The following DDAH1 variants were observed in gnomAD, a reference collection of about 807,000 sequenced individuals.
DDAH1 encodes N(G),N(G)-dimethylarginine dimethylaminohydrolase 1.
Under a neutral mutation model 28.8 loss-of-function variants are expected in DDAH1, and 19 were observed. The observed-to-expected ratio is 0.66, with a 90% CI of 0.46 to 0.97. DDAH1 has a LOEUF of 0.97. DDAH1 is among the 50% of genes least tolerant of loss of function. DDAH1 has a pLI of 0.00. For missense variants in DDAH1, 326 were observed against 375.9 expected, an observed-to-expected ratio of 0.87 and a Z score of 1.10; for synonymous variants, 153 against 154.4, an observed-to-expected ratio of 0.99 and a Z score of 0.07.
intron 1 of DDAH1, among the ~76,000 whole-genome samples, chr1:85,367,592 T>C (rs1570440825): frequency 6.6e-6 from 1 of 152,228 alleles, no homozygotes; most frequent in South Asian, 2.1e-4. Flanking sequence ...ATTATCACCA[T>C]ATTCCTTAAG....
At chr1:85,514,907 G>A (rs1657414139) in intron 1 of DDAH1, among the ~76,000 whole-genome samples, 2 of 151,748 alleles carry the variant, frequency 1.3e-5, no homozygotes, top group African/African-American at 4.8e-5. Context: ...ATTGTTTACT[G>A]TGTTTCAATA....
chr1:85,523,223 G>A (rs1657752119), intron 1 of DDAH1, among the ~76,000 whole-genome samples: 1 of 152,270 alleles, frequency 6.6e-6, no homozygotes, highest in Admixed American at 6.5e-5. Flanking sequence ...GTATGAAACG[G>A]AAAGTGGAAG....
intron 1 of DDAH1, among the ~76,000 whole-genome samples, chr1:85,566,350 G>C (rs1659299811): frequency 6.6e-6 from 1 of 151,594 alleles, no homozygotes; most frequent in African/African-American, 2.4e-5. Flanking sequence ...AAATTATCTG[G>C]GTGTGGTGGT....
At chr1:85,523,924 T>A (rs1290456215) in intron 1 of DDAH1, among the ~76,000 whole-genome samples, 4 of 152,056 alleles carry the variant, frequency 2.6e-5, no homozygotes, top group East Asian at 3.9e-4. Flanking sequence ...TTCAAAAGAG[T>A]TAGCAATCGA....
intron 1 of DDAH1, among the ~76,000 whole-genome samples, chr1:85,523,067 G>A (rs1405877585): frequency 4.6e-5 from 7 of 151,230 alleles, no homozygotes; most frequent in Non-Finnish European, 7.4e-5. Context: ...TGGGATGCAC[G>A]AGGAGTTGCA....
chr1:85,335,482 T>C (rs1196884807), intron 4 of DDAH1, among the ~76,000 whole-genome samples: 1 of 152,014 alleles, frequency 6.6e-6, no homozygotes, highest in Non-Finnish European at 1.5e-5. Flanking sequence ...AGAAAAAATA[T>C]TCCACACAAA....
At chr1:85,424,023 G>C (rs1311364383) in intron 1 of DDAH1, among the ~76,000 whole-genome samples, 1 of 152,056 alleles carries the variant, frequency 6.6e-6, no homozygotes, top group Non-Finnish European at 1.5e-5. Context: ...GATTACACTG[G>C]TTTTCAAATG....
chr1:85,531,494 G>GA (rs1408173557), intron 1 of DDAH1, among the ~76,000 whole-genome samples: 3 of 152,216 alleles, frequency 2.0e-5, no homozygotes, highest in African/African-American at 4.8e-5. Context: ...GGAATAACAA[G>GA]ACCTACCATT....
At chr1:85,428,357 C>T (rs953155331) in intron 1 of DDAH1, among the ~76,000 whole-genome samples, 3 of 152,186 alleles carry the variant, frequency 2.0e-5, no homozygotes, top group African/African-American at 7.2e-5. Context: ...AAAGTCATGT[C>T]TTACATGGTG....
chr1:85,511,977 G>A (rs888755112), intron 1 of DDAH1, among the ~76,000 whole-genome samples: 3 of 152,136 alleles, frequency 2.0e-5, no homozygotes, highest in African/African-American at 4.8e-5. Context: ...GAAAAAGAGG[G>A]AATCCTCCCT....
intron 5 of DDAH1, 105 bp downstream of exon 5, chr1:85,324,635 T>G: frequency 8.0e-7 from 1 of 1,242,638 alleles, no homozygotes; most frequent in Non-Finnish European, 1.1e-6. Flanking sequence ...TCTTAATTGT[T>G]TGATATGTAT....
Position 85,321,290 on chromosome 1 carries a change from T to C in DDAH1, c.*162A>G. ...GGTACCACCTCGAGGGGAGGGAGGG[T>C]GGGGGTGTTGAATGAAGCAATTCAA... On this transcript the variant is annotated 3_prime_UTR_variant, in exon 6 of 6. Transcript: ENST00000284031. The C allele has an allele frequency of 3.6e-6, 2 of 552,498 alleles. No individual in the cohort carries two copies. Among genetic ancestry groups the C allele is most frequent in the Admixed American group, 3.0e-5 (1 of 33,466 alleles). The allele number at this position is 552,498 out of a possible 1,614,324, so 34.2% of individuals were successfully genotyped here. A position where few individuals can be genotyped will look rare whatever the true frequency, so the allele number is the denominator to read the frequency against.
At chr1:85,466,463 G>A (rs1655383217), upstream of DDAH1, among the ~76,000 whole-genome samples, 1 of 152,114 alleles carries the variant, frequency 6.6e-6, no homozygotes, top group Admixed American at 6.5e-5. Context: ...TGGCTAGGCT[G>A]GTCTCGAACT....
rs542771599 is a variant in DDAH1 at position 85,519,907 on chromosome 1, G to A, written c.-122-23626C>T. Among the ~76,000 whole-genome samples the A allele has an allele frequency of 4.4e-4, 67 of 152,154 alleles. 1 individual carries two copies. The South Asian group carries it at 0.011, about 25-fold the overall frequency. On this transcript the variant is annotated intron_variant, in intron 1 of 6. Coordinates refer to the DDAH1 transcript ENST00000426972. ...CCTCTAGGAATAAAAGGAGGTAAACGGCATGGGGGAAGACTACAAAAAGGA... is the reference window on the plus strand; with the variant it reads ...CCTCTAGGAATAAAAGGAGGTAAACAGCATGGGGGAAGACTACAAAAAGGA...
intron 1 of DDAH1, among the ~76,000 whole-genome samples, chr1:85,406,298 G>A (rs1204414330): frequency 2.6e-5 from 4 of 152,114 alleles, no homozygotes; most frequent in African/African-American, 9.7e-5. Context: ...CAGAAGAGAA[G>A]CTTTCCTCAT....
At position 85,321,065 on chromosome 1, in the gene DDAH1, GAAAA is replaced by G. The variant is rs550307646; in HGVS notation, c.*383_*386del. ...TTCACAGGAACCAAACATGATTCAT[GAAAA>G]AAAAAAAAAAAAAAAGCAAGCTTAT... On this transcript the variant is annotated 3_prime_UTR_variant, in exon 6 of 6. Coordinates refer to ENST00000284031, the MANE Select transcript of DDAH1 (RefSeq NM_012137.4). 6 of 73,290 alleles carry G rather than the reference GAAAA, an allele frequency of 8.2e-5. No homozygotes were observed. The highest frequency in any genetic ancestry group is 7.2e-4 in the East Asian group (2 of 2,784). 4.5% of individuals were successfully genotyped at this position (73,290 alleles called of 1,614,324 possible).
chr1:85,568,097 A>G (rs1176890005), intron 1 of DDAH1, among the ~76,000 whole-genome samples: 1 of 152,234 alleles, frequency 6.6e-6, no homozygotes, highest in Non-Finnish European at 1.5e-5. Context: ...AAAAAATCAA[A>G]AAGGAAATTA....
At chr1:85,562,827 C>T (rs1461996822) in intron 1 of DDAH1, among the ~76,000 whole-genome samples, 1 of 152,184 alleles carries the variant, frequency 6.6e-6, no homozygotes, top group Non-Finnish European at 1.5e-5. Flanking sequence ...TTAAGCCACC[C>T]AGTTTACAGT....
intron 4 of DDAH1, among the ~76,000 whole-genome samples, chr1:85,333,289 C>T (rs1322495896): frequency 6.6e-6 from 1 of 152,130 alleles, no homozygotes; most frequent in Non-Finnish European, 1.5e-5. Context: ...AGAAAAGTAC[C>T]CTAACCAACC....
Sources: gnomAD v4.1 joint callset for allele counts (sites outside exome capture counted in the v4.1 genomes callset) on GRCh38, gnomAD v4.1.1 for gene constraint, MANE v1.5 for transcripts, NCBI Gene and HGNC (gene_info 2026-07-23, HGNC 2026-07-21) for gene names.